Variants in SYNE3 observed in about 807,000 individuals in gnomAD.
SYNE3 encodes spectrin repeat containing nuclear envelope family member 3.
Under a neutral mutation model 111.2 loss-of-function variants are expected in SYNE3, and 100 were observed. The ratio of observed to expected loss-of-function variants is 0.90; its 90% CI spans 0.77 to 1.06. The LOEUF (loss-of-function observed/expected upper bound fraction) is 1.06, where lower values mean the gene tolerates loss of function less well. SYNE3 is among the 50% of genes least tolerant of loss of function. SYNE3 has a pLI of 0.00. For missense variants in SYNE3, 1,160 were observed against 1,240.3 expected, an observed-to-expected ratio of 0.94 and a Z score of 0.97; for synonymous variants, 547 against 533.9, an observed-to-expected ratio of 1.02 and a Z score of -0.34.
At position 95,444,619 on chromosome 14, in the gene SYNE3, C is replaced by A. The variant is rs200153210; in HGVS notation, c.1642G>T (p.Ala548Ser). Residue 548 changes from alanine (A) to serine (S), a missense_variant, in exon 10 of 18, where the codon GCT (alanine) becomes TCT (serine). By Grantham distance (99) the Ala-to-Ser change is moderately conservative (BLOSUM62 1). Coordinates refer to ENST00000682763, the MANE Select transcript of SYNE3 (RefSeq NM_152592.6). Reference sequence around the variant, plus strand: ...GCTGCTCCAAAGTCTTTGTGCTGAGCGAGCAGGCTCTGCAGAGACACAGGA... The same window carrying A: ...GCTGCTCCAAAGTCTTTGTGCTGAGAGAGCAGGCTCTGCAGAGACACAGGA... ...QRKSKLQSLL[A>S]QHKDFGAAFE... The A allele has an allele frequency of 1.3e-6, 2 of 1,594,144 alleles. No homozygotes were observed. The highest frequency in any genetic ancestry group is 2.7e-5 in the African/African-American group (2 of 73,674).
chr14:95,431,837 T>A (rs1251316604), intron 17 of SYNE3, among the ~76,000 whole-genome samples: 1 of 152,228 alleles, frequency 6.6e-6, no homozygotes, highest in East Asian at 1.9e-4. Flanking sequence ...CTCTCTGCTA[T>A]GTGCCTGTCC....
At chr14:95,430,684 T>A (rs1348548996) in intron 17 of SYNE3, among the ~76,000 whole-genome samples, 1 of 152,030 alleles carries the variant, frequency 6.6e-6, no homozygotes, top group Non-Finnish European at 1.5e-5. Context: ...ATTAGCCGGG[T>A]GTGGTAGCGC....
chr14:95,510,003 C>T (rs547714950), intron 1 of SYNE3, among the ~76,000 whole-genome samples: 10 of 152,126 alleles, frequency 6.6e-5, no homozygotes, highest in Non-Finnish European at 1.5e-4. Context: ...CTCAGTTTCC[C>T]CATATGTAAA....
rs36019358 is a variant in SYNE3 at position 95,444,632 on chromosome 14, CAG to C, written c.1633-6_1633-5del. The C allele has an allele frequency of 0.3, 473,995 of 1,576,092 alleles. 73,696 individuals are homozygous for C. Among genetic ancestry groups the C allele is most frequent in the East Asian group, 0.44 (19,473 of 44,284 alleles). ...CTTTGTGCTGAGCGAGCAGGCTCTGCAGAGACACAGGACAGTGTGCACATTAA... is the reference window on the plus strand; with the variant it reads ...CTTTGTGCTGAGCGAGCAGGCTCTGCAGACACAGGACAGTGTGCACATTAA... On this transcript the variant is annotated splice_polypyrimidine_tract_variant and splice_region_variant and intron_variant, in intron 9 of 17. Coordinates refer to ENST00000682763, the MANE Select transcript of SYNE3 (RefSeq NM_152592.6).
chr14:95,512,702 CA>C (rs1198896531), intron 1 of SYNE3, among the ~76,000 whole-genome samples: 13 of 149,890 alleles, frequency 8.7e-5, no homozygotes, highest in Non-Finnish European at 1.6e-4. Flanking sequence ...AAAAAAAATA[CA>C]AAAAATTAGC....
rs1346505286 is a variant in SYNE3, at chr14:95,439,116, T to G, written c.2293A>C (p.Lys765Gln). 3 of 1,614,096 alleles carry G rather than the reference T, an allele frequency of 1.9e-6. No homozygotes were observed. The African/African-American group carries it at 4.0e-5, about 22-fold the overall frequency. ...HLQRMEVDSG[K>Q]KMVFTNNIPK... ...ATGTTGTTGGTGAAAACCATTTTCT[T>G]CCCCGAATCCACTTCCATCCTCTGC... Residue 765 changes from lysine to glutamine, a missense_variant, in exon 14 of 18, where the codon AAG becomes CAG. Physicochemically the swap from Lys to Gln is moderately conservative, Grantham distance 53 (BLOSUM62 1). Transcript: ENST00000682763.
chr14:95,462,005 T>C (rs996716418), intron 4 of SYNE3, among the ~76,000 whole-genome samples: 11 of 152,166 alleles, frequency 7.2e-5, no homozygotes, highest in African/African-American at 2.2e-4. Flanking sequence ...GAGCTTAGGA[T>C]TGAGTGGTTG....
intron 10 of SYNE3, chr14:95,444,104 G>A (rs961945568): frequency 3.7e-6 from 1 of 267,412 alleles, no homozygotes; most frequent in Non-Finnish European, 6.9e-6. Context: ...AATGATCAAC[G>A]GTCAGCCTAC....
chr14:95,418,502 G>A (rs934525684), intron 17 of SYNE3, among the ~76,000 whole-genome samples: 13 of 152,062 alleles, frequency 8.5e-5, no homozygotes, highest in Non-Finnish European at 1.3e-4. Context: ...CTAAATCTTC[G>A]TCATCACCAT....
rs554547745 is a variant in SYNE3 at position 95,504,565 on chromosome 14, C to G, written c.-15+12031G>C. On this transcript the variant is annotated intron_variant, in intron 1 of 17. Transcript: ENST00000682763. ...CTTTGCCACTAAGCTGAGTTCCCCC[C>G]ACACTGTCACAGTTGTTCTGCTGAA... Among the ~76,000 whole-genome samples, 7 of 152,384 alleles carry G rather than the reference C, an allele frequency of 4.6e-5. No individual in the cohort carries two copies. The South Asian group carries it at 8.3e-4, about 18-fold the overall frequency.
intron 14 of SYNE3, among the ~76,000 whole-genome samples, chr14:95,437,287 C>T (rs567594753): frequency 3.3e-5 from 5 of 152,356 alleles, no homozygotes; most frequent in South Asian, 2.1e-4. Context: ...GCTCCATGAC[C>T]GGAGTGCTCT....
At chr14:95,503,226 T>C (rs189594885) in intron 1 of SYNE3, among the ~76,000 whole-genome samples, 84 of 152,372 alleles carry the variant, frequency 5.5e-4, no homozygotes, top group Non-Finnish European at 9.8e-4. Context: ...TTGGAAATGC[T>C]CCTTAACTTC....
intron 4 of SYNE3, among the ~76,000 whole-genome samples, chr14:95,465,440 G>A (rs540352450): frequency 6.0e-4 from 92 of 152,242 alleles, no homozygotes; most frequent in African/African-American, 2.2e-3. Context: ...TCAATAGTGG[G>A]TAGATAGGTG....
At chr14:95,444,698 C>T (rs1566964925) in intron 9 of SYNE3, 70 bp from the exon 10 acceptor site, 1 of 1,473,644 alleles carries the variant, frequency 6.8e-7, no homozygotes, top group Non-Finnish European at 9.0e-7. Flanking sequence ...AGACCCGACC[C>T]GTTCAGCCAG....
intron 2 of SYNE3, among the ~76,000 whole-genome samples, chr14:95,473,002 A>G (rs537585185): frequency 8.5e-5 from 13 of 152,350 alleles, no homozygotes; most frequent in Non-Finnish European, 1.0e-4. Flanking sequence ...AGGAAGCACA[A>G]GAGAGACCCC....
Position 95,466,234 on chromosome 14 carries a change from G to C in SYNE3, c.324C>G (p.Ile108Met). 1 of 1,566,812 alleles carries C rather than the reference G, an allele frequency of 6.4e-7. No homozygotes were observed. The highest frequency in any genetic ancestry group is 8.7e-7 in the Non-Finnish European group (1 of 1,148,524). Residue 108 changes from isoleucine (I) to methionine (M), a missense_variant, in exon 4 of 18, where the codon ATC becomes ATG. Ile to Met is a conservative substitution (Grantham distance 10). Transcript: ENST00000682763. ...CGCTCCAGTGCAGCCACACCCACTC[G>C]ATGCGGCTGTGGGCACAGAGACCTC... ...VTYMTHCHSR[I>M]EWVWLHWSEY...
chr14:95,464,117 T>C (rs1367086342), intron 4 of SYNE3, among the ~76,000 whole-genome samples: 1 of 152,194 alleles, frequency 6.6e-6, no homozygotes, highest in Non-Finnish European at 1.5e-5. Flanking sequence ...TCCCTTAAAC[T>C]GTCAGCATGA....
intron 4 of SYNE3, among the ~76,000 whole-genome samples, chr14:95,458,682 G>A (rs549395114): frequency 1.6e-3 from 240 of 152,304 alleles, no homozygotes; most frequent in African/African-American, 5.3e-3. Flanking sequence ...CCATGGCATC[G>A]TCACCCACTG....
intron 1 of SYNE3, among the ~76,000 whole-genome samples, chr14:95,512,328 A>T (rs77201390): frequency 0.029 from 4,460 of 152,280 alleles, 217 homozygotes; most frequent in African/African-American, 0.1. Context: ...ATTATGTAAG[A>T]TTATATATAT....
Sources: gnomAD v4.1 joint callset for allele counts (sites outside exome capture counted in the v4.1 genomes callset) on GRCh38, gnomAD v4.1.1 for gene constraint, MANE v1.5 for transcripts, NCBI Gene and HGNC (gene_info 2026-07-23, HGNC 2026-07-21) for gene names.